PBX1: variants seen among roughly 807,000 people sequenced by gnomAD.
The protein encoded by PBX1 is pre-B-cell leukemia transcription factor 1.
A neutral mutation model predicts 53.4 loss-of-function variants in PBX1; 6 were observed. The ratio of observed to expected loss-of-function variants is 0.11; its 90% CI spans 0.06 to 0.22. The LOEUF (loss-of-function observed/expected upper bound fraction) is 0.22. PBX1 is among the 10% of genes least tolerant of loss of function. PBX1 has a pLI of 1.00. For synonymous variants in PBX1, 204 were observed against 212.3 expected (o/e 0.96, Z 0.34); for missense variants, 251 against 551.4 (o/e 0.46, Z 5.46).
intron 2 of PBX1, among the ~76,000 whole-genome samples, chr1:164,657,692 G>A (rs956366064): frequency 1.1e-4 from 16 of 152,086 alleles, no homozygotes; most frequent in African/African-American, 2.9e-4. Context: ...TTGGGGAATC[G>A]GGAGTTTTCT....
chr1:164,851,404 T>C lies in PBX1; in HGVS notation c.*4728T>C, dbSNP rs1671834713. 4.9e-6 allele frequency: 1 copy of C among 202,822 alleles called. No homozygotes were observed. The highest frequency in any genetic ancestry group is 1.0e-5 in the Non-Finnish European group (1 of 98,800). 12.6% of individuals were successfully genotyped at this position (202,822 alleles called of 1,614,324 possible). A position where few individuals can be genotyped will look rare whatever the true frequency, so the allele number is the denominator to read the frequency against. On this transcript the variant is annotated 3_prime_UTR_variant, in exon 9 of 9. Transcript: ENST00000420696. ...TCACAACAAAATAATGATGAGCTTT[T>C]CACATCACCTTTATGGTTTCAATCC...
At chr1:164,800,725 T>G (rs1339963746) in intron 4 of PBX1, among the ~76,000 whole-genome samples, 2 of 152,226 alleles carry the variant, frequency 1.3e-5, no homozygotes, top group African/African-American at 4.8e-5. Context: ...AGCAAATACA[T>G]TTTGATTATG....
intron 2 of PBX1, among the ~76,000 whole-genome samples, chr1:164,614,654 C>T (rs906966809): frequency 6.6e-6 from 1 of 152,210 alleles, no homozygotes; most frequent in Non-Finnish European, 1.5e-5. Context: ...AAAAAATGGA[C>T]TCCCACACAT....
At chr1:164,676,794 C>T (rs1661457144) in intron 2 of PBX1, among the ~76,000 whole-genome samples, 1 of 152,192 alleles carries the variant, frequency 6.6e-6, no homozygotes, top group Non-Finnish European at 1.5e-5. Flanking sequence ...TGTTCCTTTG[C>T]CCAAACCTTG....
At chr1:164,677,589 G>A (rs554956245) in intron 2 of PBX1, among the ~76,000 whole-genome samples, 2 of 152,250 alleles carry the variant, frequency 1.3e-5, no homozygotes, top group East Asian at 3.9e-4. Context: ...TGGGTTAAAA[G>A]TATAATGATA....
intron 2 of PBX1, among the ~76,000 whole-genome samples, chr1:164,620,113 A>G (rs1026000559): frequency 6.6e-6 from 1 of 152,188 alleles, no homozygotes; most frequent in Admixed American, 6.5e-5. Context: ...GGATCACTTG[A>G]GCCCAGGGAG....
At chr1:164,687,788 G>C (rs1662208998) in intron 2 of PBX1, among the ~76,000 whole-genome samples, 4 of 152,164 alleles carry the variant, frequency 2.6e-5, no homozygotes, top group Non-Finnish European at 5.9e-5. Context: ...TTGGCTTCTG[G>C]CACTTAGTTC....
At chr1:164,741,689 C>G (rs1665614959) in intron 2 of PBX1, among the ~76,000 whole-genome samples, 1 of 151,264 alleles carries the variant, frequency 6.6e-6, no homozygotes, top group Non-Finnish European at 1.5e-5. Context: ...AGATGAAGAC[C>G]ACTGTGTGAA....
At chr1:164,658,054 A>G (rs375137074) in intron 2 of PBX1, among the ~76,000 whole-genome samples, 4 of 152,102 alleles carry the variant, frequency 2.6e-5, no homozygotes, top group South Asian at 2.1e-4. Flanking sequence ...AATGATGGGT[A>G]GCAGGCAGGT....
At chr1:164,580,916 A>T (rs900758145) in intron 2 of PBX1, among the ~76,000 whole-genome samples, 1 of 152,066 alleles carries the variant, frequency 6.6e-6, no homozygotes, top group African/African-American at 2.4e-5. Flanking sequence ...AACAAGCATG[A>T]CTTATTTTTG....
chr1:164,750,796 T>C (rs970082212), intron 2 of PBX1, among the ~76,000 whole-genome samples: 11 of 152,206 alleles, frequency 7.2e-5, no homozygotes, highest in African/African-American at 2.7e-4. Flanking sequence ...AGATTTGTCT[T>C]CACTGTGACT....
intron 2 of PBX1, among the ~76,000 whole-genome samples, chr1:164,885,734 AGATATCCG>A (rs1672762447): frequency 6.6e-6 from 1 of 151,456 alleles, no homozygotes; most frequent in Non-Finnish European, 1.5e-5. Flanking sequence ...AGTCTTTCCC[AGATATCCG>A]CAAAGGTCAC....
intron 2 of PBX1, among the ~76,000 whole-genome samples, chr1:164,594,056 A>G (rs530179866): frequency 2.0e-5 from 3 of 152,310 alleles, no homozygotes; most frequent in East Asian, 1.9e-4. Flanking sequence ...TATTATAATA[A>G]CTTAATTTCT....
intron 3 of PBX1, among the ~76,000 whole-genome samples, chr1:164,795,607 T>C (rs1668739873): frequency 6.6e-6 from 1 of 152,240 alleles, no homozygotes; most frequent in South Asian, 2.1e-4. Flanking sequence ...AAGAAGTGAA[T>C]ACTGCTTAAT....
chr1:164,620,110 T>C (rs1055173275), intron 2 of PBX1, among the ~76,000 whole-genome samples: 2 of 152,146 alleles, frequency 1.3e-5, no homozygotes, highest in African/African-American at 4.8e-5. Context: ...GGAGGATCAC[T>C]TGAGCCCAGG....
chr1:164,664,911 C>T (rs56128724), intron 2 of PBX1, among the ~76,000 whole-genome samples: 1 of 151,484 alleles, frequency 6.6e-6, no homozygotes, highest in Non-Finnish European at 1.5e-5. Flanking sequence ...GTCCCTCCCA[C>T]AATACATGGG....
At chr1:164,663,280 GCCTTCCTA>G (rs1660617537) in intron 2 of PBX1, among the ~76,000 whole-genome samples, 1 of 140,438 alleles carries the variant, frequency 7.1e-6, no homozygotes, top group Non-Finnish European at 1.5e-5. Flanking sequence ...CTGCCTGCCT[GCCTTCCTA>G]CCTGCCTGCC....
intron 2 of PBX1, among the ~76,000 whole-genome samples, chr1:164,686,088 C>G (rs1662075029): frequency 6.6e-6 from 1 of 152,132 alleles, no homozygotes; most frequent in Admixed American, 6.5e-5. Flanking sequence ...TCCATTTATT[C>G]ATCTATTAAG....
Position 164,819,421 on chromosome 1 carries a change from A to G in PBX1, c.998-651A>G, listed in dbSNP as rs562693729. On this transcript the variant is annotated intron_variant, in intron 6 of 8. Transcript: ENST00000420696. ...TTCTCTGTAGTCACAGGTGGCAGAG[A>G]AGGGTAGATCACTCCCACATATTCT... 10 of 152,248 alleles carry G rather than the reference A, an allele frequency of 6.6e-5. 1 individual carries two copies. The South Asian group carries it at 2.1e-3, about 32-fold the overall frequency. 9.4% of individuals were successfully genotyped at this position (152,248 alleles called of 1,614,324 possible). A position where few individuals can be genotyped will look rare whatever the true frequency, so the allele number is the denominator to read the frequency against.
Sources: allele counts gnomAD v4.1 joint callset (sites outside exome capture counted in the v4.1 genomes callset), GRCh38; gene constraint gnomAD v4.1.1; transcripts MANE v1.5; gene names NCBI Gene and HGNC (gene_info 2026-07-23, HGNC 2026-07-21).